The following FBXL13 variants were observed in gnomAD, a reference collection of about 807,000 sequenced individuals.
FBXL13 encodes F-box and leucine rich repeat protein 13, also known as F-box and leucine-rich repeat protein 13.
Under a neutral mutation model 83.6 loss-of-function variants are expected in FBXL13, and 67 were observed. The ratio of observed to expected loss-of-function variants is 0.80; its 90% CI spans 0.66 to 0.98. The LOEUF is 0.98. FBXL13 is among the 50% of genes least tolerant of loss of function. The probability of loss-of-function intolerance (pLI) is 0.00; values close to 1 mark genes in which losing one functional copy is unlikely to be tolerated. For synonymous variants in FBXL13, 272 were observed against 299.5 expected, an observed-to-expected ratio of 0.91 and a Z score of 0.95; for missense variants, 822 against 866.5, an observed-to-expected ratio of 0.95 and a Z score of 0.64.
intron 16 of FBXL13, among the ~76,000 whole-genome samples, chr7:102,865,749 T>C (rs780235772): frequency 1.3e-5 from 2 of 152,084 alleles, no homozygotes; most frequent in Non-Finnish European, 2.9e-5. Context: ...TTTCACCATG[T>C]TGGGCAGGAT....
At chr7:103,043,862 C>T (rs372301353) in intron 2 of FBXL13, among the ~76,000 whole-genome samples, 22 of 152,326 alleles carry the variant, frequency 1.4e-4, no homozygotes, top group East Asian at 1.3e-3. Context: ...TCTTCTTAAA[C>T]TGCATTCAGT....
At chr7:102,959,890 T>C (rs1228579937) in intron 8 of FBXL13, among the ~76,000 whole-genome samples, 1 of 152,114 alleles carries the variant, frequency 6.6e-6, no homozygotes, top group East Asian at 1.9e-4. Context: ...AATAATTTAG[T>C]GGATCTATAT....
chr7:102,845,563 T>C (rs1803790381), intron 17 of FBXL13, among the ~76,000 whole-genome samples: 1 of 152,198 alleles, frequency 6.6e-6, no homozygotes, highest in Non-Finnish European at 1.5e-5. Flanking sequence ...CCAAGTCAGA[T>C]GCATGGACAT....
chr7:102,844,677 G>A (rs1803618974), intron 17 of FBXL13, among the ~76,000 whole-genome samples: 1 of 152,088 alleles, frequency 6.6e-6, no homozygotes, highest in Admixed American at 6.5e-5. Flanking sequence ...GACCAATTCT[G>A]TGACACCAAC....
intron 6 of FBXL13, among the ~76,000 whole-genome samples, chr7:103,004,216 A>G (rs1011008254): frequency 6.6e-6 from 1 of 152,166 alleles, no homozygotes; most frequent in Non-Finnish European, 1.5e-5. Context: ...GGTTCTTTGC[A>G]GTTTGCCTGC....
At chr7:102,891,685 A>C (rs1250570865) in intron 11 of FBXL13, among the ~76,000 whole-genome samples, 2 of 152,240 alleles carry the variant, frequency 1.3e-5, no homozygotes, top group Non-Finnish European at 2.9e-5. Flanking sequence ...TTAATTTTCC[A>C]GTGTGAGTGA....
At chr7:102,958,475 GCA>G (rs1374313606) in intron 8 of FBXL13, among the ~76,000 whole-genome samples, 1 of 151,016 alleles carries the variant, frequency 6.6e-6, no homozygotes, top group Admixed American at 6.6e-5. Flanking sequence ...CATGATACAT[GCA>G]TACCTATGTA....
chr7:102,998,421 A>G (rs1244721749), intron 6 of FBXL13, among the ~76,000 whole-genome samples: 1 of 152,090 alleles, frequency 6.6e-6, no homozygotes, highest in Non-Finnish European at 1.5e-5. Flanking sequence ...GTTCTCTTCA[A>G]CTTCTTTCAT....
intron 2 of FBXL13, among the ~76,000 whole-genome samples, chr7:103,040,940 C>T (rs1795616667): frequency 6.6e-6 from 1 of 152,074 alleles, no homozygotes; most frequent in South Asian, 2.1e-4. Context: ...AGAGCAAACA[C>T]ATTCAAAAGC....
chr7:102,981,791 T>A (rs1421382595), intron 6 of FBXL13, among the ~76,000 whole-genome samples: 1 of 152,176 alleles, frequency 6.6e-6, no homozygotes, highest in Non-Finnish European at 1.5e-5. Flanking sequence ...GGCTTAATCA[T>A]TTCCAAAGAC....
intron 2 of FBXL13, among the ~76,000 whole-genome samples, chr7:103,042,296 A>G (rs140687969): frequency 6.6e-6 from 1 of 152,368 alleles, no homozygotes; most frequent in Admixed American, 6.5e-5. Flanking sequence ...AAGGAGAACT[A>G]CAAACTACTG....
In FBXL13 at chr7:103,027,407, G is replaced by C. The variant is rs562112167; in HGVS notation, c.327+42C>G. On this transcript the variant is annotated intron_variant, in intron 5 of 19. Coordinates refer to ENST00000313221, the Ensembl canonical transcript of FBXL13. The stretch of plus-strand genomic sequence containing the variant: ...TATTTGAGGCAACATGAATATAACT[G>C]AAACATTCGGATTCTTAAAAAATTG... 24 of 1,385,596 alleles carry C rather than the reference G, an allele frequency of 1.7e-5. No individual in the cohort carries two copies. The South Asian group carries it at 2.1e-4, about 12-fold the overall frequency. 85.8% of individuals were successfully genotyped at this position (1,385,596 alleles called of 1,614,324 possible).
intron 8 of FBXL13, chr7:102,939,631 T>A (rs201366017): frequency 1.9e-6 from 3 of 1,539,430 alleles, no homozygotes; most frequent in Non-Finnish European, 2.6e-6. Flanking sequence ...AAGTGTTCTG[T>A]GATTTTTTTC....
At chr7:102,854,901 T>G (rs760298136) in intron 16 of FBXL13, 41 bp from the exon 18 acceptor site, 1 of 1,188,740 alleles carries the variant, frequency 8.4e-7, no homozygotes, top group South Asian at 1.4e-5. Context: ...TGATTATCAT[T>G]TAGTATGGAA....
chr7:103,014,657 C>T (rs1339078460), intron 6 of FBXL13, among the ~76,000 whole-genome samples: 1 of 152,068 alleles, frequency 6.6e-6, no homozygotes, highest in African/African-American at 2.4e-5. Context: ...GGCGCGGTGG[C>T]TCACGCCTGT....
intron 17 of FBXL13, 61 bp downstream of exon 18, chr7:102,854,716 A>G (rs1805775836): frequency 9.2e-7 from 1 of 1,082,066 alleles, no homozygotes; most frequent in South Asian, 1.8e-5. Context: ...TCATTGGAAA[A>G]AAAAGAAAAA....
chr7:103,014,393 C>G (rs1250666545), intron 6 of FBXL13, among the ~76,000 whole-genome samples: 2 of 151,910 alleles, frequency 1.3e-5, no homozygotes, highest in Non-Finnish European at 2.9e-5. Context: ...GCCTACCAAA[C>G]AGAAAAAGCC....
intron 17 of FBXL13, among the ~76,000 whole-genome samples, chr7:102,835,902 C>T (rs903665567): frequency 1.3e-5 from 2 of 152,186 alleles, no homozygotes; most frequent in African/African-American, 4.8e-5. Flanking sequence ...AGCCACCGCG[C>T]CCGGCCCCGA....
At chr7:102,997,111 C>T (rs1355218917) in intron 6 of FBXL13, among the ~76,000 whole-genome samples, 1 of 152,140 alleles carries the variant, frequency 6.6e-6, no homozygotes, top group Non-Finnish European at 1.5e-5. Context: ...CCAACCAGCA[C>T]TAGAATATTT....
Sources: allele counts gnomAD v4.1 joint callset (sites outside exome capture counted in the v4.1 genomes callset), GRCh38; gene constraint gnomAD v4.1.1; transcripts MANE v1.5; gene names NCBI Gene and HGNC (gene_info 2026-07-23, HGNC 2026-07-21).